The following ATP9B variants were observed in gnomAD, a reference collection of about 807,000 sequenced individuals.
ATP9B encodes ATPase phospholipid transporting 9B.
A neutral mutation model predicts 146.1 loss-of-function variants in ATP9B; 110 were observed. The ratio of observed to expected loss-of-function variants is 0.75; its 90% CI spans 0.65 to 0.88. The LOEUF (loss-of-function observed/expected upper bound fraction) is 0.88. Among genes scored for constraint, ATP9B ranks in the 40% least tolerant of loss-of-function variants. ATP9B has a pLI of 0.00. For synonymous variants in ATP9B, 604 were observed against 569.7 expected (o/e 1.06, Z -0.86); for missense variants, 1,499 against 1,496.4 (o/e 1.00, Z -0.03).
chr18:79,258,981 C>G (rs146036350), intron 12 of ATP9B, among the ~76,000 whole-genome samples: 5 of 152,130 alleles, frequency 3.3e-5, no homozygotes, highest in Non-Finnish European at 1.5e-5. Context: ...GCTAAATATG[C>G]TTTTGGATTG....
chr18:79,310,237 C>G (rs114581166), intron 15 of ATP9B, among the ~76,000 whole-genome samples: 1 of 152,170 alleles, frequency 6.6e-6, no homozygotes, highest in Non-Finnish European at 1.5e-5. Context: ...GCGGAGCTGG[C>G]GTGTGTGCGC....
chr18:79,104,491 A>T (rs574875875), intron 2 of ATP9B, among the ~76,000 whole-genome samples: 33 of 152,266 alleles, frequency 2.2e-4, no homozygotes, highest in African/African-American at 7.5e-4. Context: ...AGAATTGCGG[A>T]CTTTAGAATG....
At chr18:79,321,916 G>A (rs892417334) in intron 15 of ATP9B, among the ~76,000 whole-genome samples, 3 of 152,204 alleles carry the variant, frequency 2.0e-5, no homozygotes, top group Non-Finnish European at 4.4e-5. Context: ...AAATGTAATC[G>A]TAACCTTTCA....
rs1249985950 is a variant in ATP9B, at chr18:79,345,434, C to T, written c.2479C>T (p.Leu827=). The change falls in exon 22 of 30, where the codon CTA becomes TTA. Residue 827 remains leucine (L), a synonymous_variant. Transcript: ENST00000426216. ...VISGDSLEVC[L]KYYEHEFVEL... ...CACAGGCTTTGTTTTCCAGGTTTGT[C>T]TAAAGTACTACGAGCATGAATTTGT... The T allele has an allele frequency of 4.3e-5, 70 of 1,613,876 alleles. No homozygotes were observed. The highest frequency in any genetic ancestry group is 5.8e-5 in the Non-Finnish European group (69 of 1,180,016).
At chr18:79,157,412 A>G (rs1011686047) in intron 7 of ATP9B, among the ~76,000 whole-genome samples, 4 of 150,082 alleles carry the variant, frequency 2.7e-5, no homozygotes, top group African/African-American at 9.8e-5. Context: ...AAAAAAAAAA[A>G]AAAAAAAAAA....
Position 79,126,313 on chromosome 18 carries a change from T to G in ATP9B, c.605T>G (p.Phe202Cys), listed in dbSNP as rs1200282235. The G allele has an allele frequency of 5.6e-6, 9 of 1,612,126 alleles. No individual in the cohort carries two copies. Among genetic ancestry groups the G allele is most frequent in the Middle Eastern group, 3.3e-4 (2 of 6,072 alleles). ...ATGACACGGGAAGCAATTGATGAAT[T>G]TCGGCGTTTTCAGCGTGACAAGGAA... ...VTMTREAIDE[F>C]RRFQRDKEVN... The change falls in exon 5 of 30, where the codon TTT (phenylalanine) becomes TGT (cysteine). Residue 202 changes from phenylalanine to cysteine, a missense_variant. Physicochemically the swap from Phe to Cys is radical, Grantham distance 205 (BLOSUM62 -2). Coordinates refer to ENST00000426216, the MANE Select transcript of ATP9B (RefSeq NM_198531.5).
intron 8 of ATP9B, among the ~76,000 whole-genome samples, chr18:79,188,805 T>C (rs1450014260): frequency 6.6e-6 from 1 of 152,126 alleles, no homozygotes; most frequent in Non-Finnish European, 1.5e-5. Flanking sequence ...TACCTCGGCT[T>C]CTCAAGTCTT....
rs114274234 is a variant in ATP9B at position 79,304,766 on chromosome 18, T to C, written c.1524+1050T>C. On this transcript the variant is annotated intron_variant, in intron 14 of 29. Transcript: ENST00000426216. ...TCATTCATTTGCATTTTTTTGTGCC[T>C]GTCATAATTTGAAGTCATTGATTCA... Among the ~76,000 whole-genome samples, 1,003 of 152,350 alleles carry C rather than the reference T, an allele frequency of 6.6e-3. 6 individuals are homozygous for C. The highest frequency in any genetic ancestry group is 0.023 in the African/African-American group (938 of 41,572).
At chr18:79,082,752 A>T (rs1180940577) in intron 1 of ATP9B, among the ~76,000 whole-genome samples, 1 of 152,164 alleles carries the variant, frequency 6.6e-6, no homozygotes, top group Admixed American at 6.5e-5. Context: ...AACAGCAAAG[A>T]TTGCTGCCTG....
At position 79,377,416 on chromosome 18, in the gene ATP9B, C is replaced by G; in HGVS notation, c.*33C>G. On this transcript the variant is annotated 3_prime_UTR_variant, in exon 30 of 30. Transcript: ENST00000426216. ...TGCACCCCCAGCGGGCTGGCCCCAG[C>G]ACCTTCTGCCCTTCCCAGCACCTTG... 6.2e-7 allele frequency: 1 copy of G among 1,600,028 alleles called. No individual in the cohort carries two copies. The highest frequency in any genetic ancestry group is 1.3e-5 in the African/African-American group (1 of 75,038).
intron 13 of ATP9B, among the ~76,000 whole-genome samples, chr18:79,282,519 G>C (rs1314558931): frequency 6.6e-6 from 1 of 152,198 alleles, no homozygotes; most frequent in Non-Finnish European, 1.5e-5. Context: ...ATTAAAAGTT[G>C]CTGAAGGCTC....
intron 1 of ATP9B, among the ~76,000 whole-genome samples, chr18:79,091,969 G>T (rs180955224): frequency 6.6e-6 from 1 of 152,142 alleles, no homozygotes; most frequent in Admixed American, 6.5e-5. Context: ...GATCTTAGTG[G>T]TGATTTGATC....
intron 11 of ATP9B, among the ~76,000 whole-genome samples, chr18:79,240,612 G>A (rs546898234): frequency 6.6e-6 from 1 of 152,180 alleles, no homozygotes; most frequent in South Asian, 2.1e-4. Flanking sequence ...GGGTGTGGTG[G>A]TGCATGCCTG....
chr18:79,353,985 A>G (rs1029391226), intron 25 of ATP9B: 1 of 152,240 alleles, frequency 6.6e-6, no homozygotes, highest in Non-Finnish European at 1.5e-5. Flanking sequence ...TTTAGTGCCC[A>G]GCAGTAACTC....
intron 6 of ATP9B, 120 bp from the exon 7 acceptor site, chr18:79,154,384 C>A: frequency 3.0e-6 from 2 of 674,072 alleles, no homozygotes; most frequent in Non-Finnish European, 2.5e-6. Flanking sequence ...TTAGTTATTT[C>A]AGCACAATTT....
chr18:79,319,931 A>C (rs910525051), intron 15 of ATP9B, among the ~76,000 whole-genome samples: 1 of 152,140 alleles, frequency 6.6e-6, no homozygotes, highest in African/African-American at 2.4e-5. Context: ...ATGCAAATAA[A>C]TGGTTGAGAG....
intron 5 of ATP9B, among the ~76,000 whole-genome samples, chr18:79,130,901 C>T (rs1260920374): frequency 6.6e-6 from 1 of 152,232 alleles, no homozygotes; most frequent in Non-Finnish European, 1.5e-5. Flanking sequence ...TGGCCCATGC[C>T]TGTAATCTCA....
intron 12 of ATP9B, among the ~76,000 whole-genome samples, chr18:79,276,268 T>C (rs751183187): frequency 3.9e-5 from 6 of 152,268 alleles, no homozygotes; most frequent in Non-Finnish European, 7.3e-5. Context: ...TCCAGCCTTC[T>C]GCTCCACTCC....
rs147955635 is a variant in ATP9B, at chr18:79,300,409, C to T, written c.1412-3195C>T. Among the ~76,000 whole-genome samples, 365 of 152,222 alleles carry T rather than the reference C, an allele frequency of 2.4e-3. 1 individual carries two copies. Among genetic ancestry groups the T allele is most frequent in the South Asian group, 6.4e-3 (31 of 4,808 alleles). On this transcript the variant is annotated intron_variant, in intron 13 of 29. Coordinates refer to ENST00000426216, the MANE Select transcript of ATP9B (RefSeq NM_198531.5). Reference sequence around the variant, plus strand: ...GCTGAGTGGGAGGTCTTTCCCTTCTCGGTTAAGGTATCCATAGGGAGAGGC... The same window carrying T: ...GCTGAGTGGGAGGTCTTTCCCTTCTTGGTTAAGGTATCCATAGGGAGAGGC...
Sources: gnomAD v4.1 joint callset for allele counts (sites outside exome capture counted in the v4.1 genomes callset) on GRCh38, gnomAD v4.1.1 for gene constraint, MANE v1.5 for transcripts, NCBI Gene and HGNC (gene_info 2026-07-23, HGNC 2026-07-21) for gene names.